The following PTPRD variants were observed in gnomAD, a reference collection of about 807,000 sequenced individuals.
PTPRD encodes the protein receptor-type tyrosine-protein phosphatase delta.
PTPRD carries 34 observed loss-of-function variants against 214.5 expected under a neutral mutation model. The ratio of observed to expected loss-of-function variants is 0.16; its 90% CI spans 0.12 to 0.21. The LOEUF (loss-of-function observed/expected upper bound fraction) is 0.21, where lower values mean the gene tolerates loss of function less well. PTPRD is among the 10% of genes least tolerant of loss of function. The pLI is 1.00. For missense variants in PTPRD, 2,545 were observed against 2,398.7 expected (o/e 1.06, Z -1.27); for synonymous variants, 1,128 against 845.7 (o/e 1.33, Z -5.79).
intron 5 of PTPRD, among the ~76,000 whole-genome samples, chr9:9,817,128 A>T (rs1275371145): frequency 6.6e-6 from 1 of 152,172 alleles, no homozygotes; most frequent in African/African-American, 2.4e-5. Flanking sequence ...GCTGGCTCAA[A>T]AATGAATCAT....
At chr9:9,171,081 T>A (rs75728142) in intron 10 of PTPRD, among the ~76,000 whole-genome samples, 3,598 of 152,198 alleles carry the variant, frequency 0.024, 160 homozygotes, top group African/African-American at 0.083. Context: ...CAGAAAAATA[T>A]AAACATTACA....
At chr9:9,074,002 G>A (rs1331659) in intron 10 of PTPRD, among the ~76,000 whole-genome samples, 14,245 of 152,080 alleles carry the variant, frequency 0.094, 781 homozygotes, top group East Asian at 0.17. Flanking sequence ...GGAATTATGT[G>A]AGATGTCAAG....
intron 36 of PTPRD, among the ~76,000 whole-genome samples, chr9:8,395,275 A>G (rs552355286): frequency 5.3e-5 from 8 of 152,316 alleles, no homozygotes; most frequent in African/African-American, 1.4e-4. Flanking sequence ...ACGAAAAAGC[A>G]TAACACTATA....
rs1041484599 is a variant in PTPRD, at chr9:8,429,393, T to C, written c.4086+7199A>G. Reference sequence around the variant, plus strand: ...GGAGAGTGAAACCACATGATCTCTGTGGTTTAGACAGCTCTAAATATTAAA... The same window carrying C: ...GGAGAGTGAAACCACATGATCTCTGCGGTTTAGACAGCTCTAAATATTAAA... On this transcript the variant is annotated intron_variant, in intron 35 of 45. Transcript: ENST00000381196. 9.9e-5 allele frequency among the ~76,000 whole-genome samples: 15 copies of C among 152,166 alleles called. 1 individual carries two copies. The highest frequency in any genetic ancestry group is 2.7e-4 in the African/African-American group (11 of 41,448).
At chr9:9,613,615 A>T (rs1241933127) in intron 7 of PTPRD, among the ~76,000 whole-genome samples, 2 of 152,138 alleles carry the variant, frequency 1.3e-5, no homozygotes, top group African/African-American at 4.8e-5. Context: ...CTGAAATCTT[A>T]AGTTTATTTG....
intron 9 of PTPRD, among the ~76,000 whole-genome samples, chr9:9,339,427 A>T (rs949619071): frequency 1.3e-5 from 2 of 151,942 alleles, no homozygotes; most frequent in African/African-American, 4.8e-5. Flanking sequence ...AGGAGCTTGC[A>T]GTGAGCCGAG....
At chr9:10,090,402 A>T (rs2154197643) in intron 3 of PTPRD, among the ~76,000 whole-genome samples, 1 of 151,552 alleles carries the variant, frequency 6.6e-6, no homozygotes, top group Non-Finnish European at 1.5e-5. Flanking sequence ...CACTGCAGTG[A>T]GGGACGTATA....
chr9:10,071,237 C>G (rs1222438701), intron 3 of PTPRD, among the ~76,000 whole-genome samples: 1 of 151,878 alleles, frequency 6.6e-6, no homozygotes, highest in Non-Finnish European at 1.5e-5. Context: ...CAAATCCAAG[C>G]AAGATATTTT....
At chr9:9,644,248 G>C (rs1475263248) in intron 7 of PTPRD, among the ~76,000 whole-genome samples, 1 of 152,090 alleles carries the variant, frequency 6.6e-6, no homozygotes, top group Non-Finnish European at 1.5e-5. Flanking sequence ...CAGGAAATGG[G>C]GAGGTTTCAA....
intron 9 of PTPRD, among the ~76,000 whole-genome samples, chr9:9,240,141 T>A (rs2099969653): frequency 6.6e-6 from 1 of 151,332 alleles, no homozygotes; most frequent in African/African-American, 2.4e-5. Flanking sequence ...AGTAAACTTT[T>A]CAATAATATT....
At chr9:9,332,364 T>C (rs1026429581) in intron 9 of PTPRD, among the ~76,000 whole-genome samples, 1 of 151,984 alleles carries the variant, frequency 6.6e-6, no homozygotes, top group African/African-American at 2.4e-5. Context: ...CTCAGATAAC[T>C]AGATGATCTA....
At chr9:9,595,223 A>T (rs534179127) in intron 7 of PTPRD, among the ~76,000 whole-genome samples, 9 of 150,070 alleles carry the variant, frequency 6.0e-5, no homozygotes, top group African/African-American at 2.2e-4. Context: ...TGATCCAGCA[A>T]TCCCACTACT....
At chr9:8,442,296 G>A (rs1285528763) in intron 34 of PTPRD, among the ~76,000 whole-genome samples, 1 of 151,788 alleles carries the variant, frequency 6.6e-6, no homozygotes, top group Non-Finnish European at 1.5e-5. Flanking sequence ...TGCTTCAAAT[G>A]ATTTTATTAT....
Position 9,193,992 on chromosome 9 carries a change from CA to C in PTPRD, c.-202-10630del, listed in dbSNP as rs1222463731. On this transcript the variant is annotated intron_variant, in intron 9 of 45. Transcript: ENST00000381196. ...AACACAGACCTATTGTACAGCTGTA[CA>C]AAAATATTTTATTTCTTTATACCCT... is the stretch of plus-strand genomic sequence containing the variant. Among the ~76,000 whole-genome samples, 10 of 152,148 alleles carry C rather than the reference CA, an allele frequency of 6.6e-5. No individual in the cohort carries two copies. In the South Asian group the frequency reaches 1.2e-3, roughly 19 times the overall value.
Position 10,056,444 on chromosome 9 carries a change from GA to G in PTPRD, c.-544-22655del, listed in dbSNP as rs796727898. Among the ~76,000 whole-genome samples, 1,342 of 142,304 alleles carry G rather than the reference GA, an allele frequency of 9.4e-3. 15 individuals carry two copies. The highest frequency in any genetic ancestry group is 0.031 in the African/African-American group (1,196 of 38,996). 93.4% of individuals were successfully genotyped at this position (142,304 alleles called of 152,430 possible). A position where few individuals can be genotyped will look rare whatever the true frequency, so the allele number is the denominator to read the frequency against. Reference sequence around the variant, plus strand: ...AACCTCTTTTATTAGCTGCTGGAAAGAAAAAAAAAAACTATTGAATAAAGAA... The same window carrying G: ...AACCTCTTTTATTAGCTGCTGGAAAGAAAAAAAAAACTATTGAATAAAGAA... On this transcript the variant is annotated intron_variant, in intron 3 of 45. Transcript: ENST00000381196.
chr9:9,462,593 C>G (rs936360427), intron 8 of PTPRD, among the ~76,000 whole-genome samples: 2 of 152,114 alleles, frequency 1.3e-5, no homozygotes, highest in African/African-American at 2.4e-5. Context: ...ATGCACATGA[C>G]TCCTCCAGGG....
chr9:8,814,545 G>A (rs1367339598), intron 11 of PTPRD, among the ~76,000 whole-genome samples: 1 of 152,138 alleles, frequency 6.6e-6, no homozygotes, highest in Non-Finnish European at 1.5e-5. Flanking sequence ...ACATACCTGA[G>A]GCGGAAACCC....
At chr9:9,373,919 T>C (rs1217781569) in intron 9 of PTPRD, among the ~76,000 whole-genome samples, 2 of 152,204 alleles carry the variant, frequency 1.3e-5, no homozygotes, top group African/African-American at 4.8e-5. Context: ...GGACATTATA[T>C]TTTATCAATT....
chr9:9,513,674 T>C (rs1288860108), intron 8 of PTPRD, among the ~76,000 whole-genome samples: 2 of 151,850 alleles, frequency 1.3e-5, no homozygotes, highest in East Asian at 1.9e-4. Context: ...AAACCTTTCA[T>C]GAAACACAGA....
Sources: allele counts gnomAD v4.1 joint callset (sites outside exome capture counted in the v4.1 genomes callset), GRCh38; gene constraint gnomAD v4.1.1; transcripts MANE v1.5; gene names NCBI Gene and HGNC (gene_info 2026-07-23, HGNC 2026-07-21).